KIF1B: variants seen among roughly 807,000 people sequenced by gnomAD.
The protein encoded by KIF1B is kinesin family member 1B.
In KIF1B, 76 loss-of-function variants were observed where a neutral mutation model predicts 241.9. That is an observed-to-expected ratio of 0.31 (90% CI 0.26 to 0.38). KIF1B has a LOEUF of 0.38. Ranked by LOEUF, KIF1B falls within the 10% of genes least tolerant of loss-of-function variation. KIF1B has a pLI of 1.00. For synonymous variants in KIF1B, 750 were observed against 796.7 expected (o/e 0.94, Z 0.99); for missense variants, 1,622 against 2,271.4 (o/e 0.71, Z 5.81).
intron 1 of KIF1B, among the ~76,000 whole-genome samples, chr1:10,231,378 CTTTTTTTTTTT>C (rs35213507): frequency 1.2e-5 from 1 of 85,716 alleles, no homozygotes; most frequent in Non-Finnish European, 2.1e-5. Flanking sequence ...GTTCAGTGCC[CTTTTTTTTTTT>C]TTTTTTTTTT....
intron 7 of KIF1B, among the ~76,000 whole-genome samples, chr1:10,268,625 C>CTTTTTTTT (rs5772405): frequency 7.7e-6 from 1 of 130,056 alleles, no homozygotes; most frequent in African/African-American, 2.8e-5. Context: ...TATGTGTATT[C>CTTTTTTTT]TTTTTTTTTT....
chr1:10,330,745 T>C (rs1249436723), intron 27 of KIF1B, among the ~76,000 whole-genome samples: 1 of 152,196 alleles, frequency 6.6e-6, no homozygotes, highest in East Asian at 1.9e-4. Flanking sequence ...ATTTATAGAG[T>C]GGCCCAGCCC....
intron 45 of KIF1B, among the ~76,000 whole-genome samples, chr1:10,372,465 G>C (rs1018921132): frequency 2.0e-5 from 3 of 151,702 alleles, no homozygotes; most frequent in African/African-American, 7.3e-5. Context: ...GAGCCCGGGA[G>C]GTTGAGGCTG....
At chr1:10,253,249 G>A (rs1647569057) in intron 2 of KIF1B, among the ~76,000 whole-genome samples, 1 of 152,136 alleles carries the variant, frequency 6.6e-6, no homozygotes, top group Non-Finnish European at 1.5e-5. Flanking sequence ...GCTAGCTCTG[G>A]AGCCATGAAT....
chr1:10,293,436 G>A (rs1015679964), intron 17 of KIF1B, among the ~76,000 whole-genome samples: 2 of 137,270 alleles, frequency 1.5e-5, no homozygotes, highest in Admixed American at 7.9e-5. Flanking sequence ...TCACTCTGTC[G>A]CCAGGCTGGA....
intron 19 of KIF1B, 24 bp from the exon 20 acceptor site, chr1:10,296,558 T>G: frequency 1.3e-6 from 2 of 1,565,376 alleles, no homozygotes; most frequent in Non-Finnish European, 1.8e-6. Context: ...AATGATAACA[T>G]TAGTTTGTGT....
chr1:10,270,143 G>T (rs1007077532), intron 7 of KIF1B, among the ~76,000 whole-genome samples: 1 of 152,068 alleles, frequency 6.6e-6, no homozygotes, highest in East Asian at 1.9e-4. Context: ...CAGTTTTGAC[G>T]TATTTGTATA....
chr1:10,360,546 G>C (rs868791323), intron 38 of KIF1B, among the ~76,000 whole-genome samples: 2 of 151,910 alleles, frequency 1.3e-5, no homozygotes, highest in Admixed American at 6.6e-5. Flanking sequence ...TTAGCCAGGC[G>C]TGGTGGCGGG....
intron 1 of KIF1B, among the ~76,000 whole-genome samples, chr1:10,218,386 C>A (rs746766880): frequency 6.6e-6 from 1 of 151,856 alleles, no homozygotes; most frequent in African/African-American, 2.4e-5. Flanking sequence ...TGGCTACTCA[C>A]ATGGCTATTA....
Position 10,368,468 on chromosome 1 carries a change from G to A in KIF1B, c.4754G>A (p.Cys1585Tyr). The A allele has an allele frequency of 6.2e-7, 1 of 1,613,314 alleles. No individual in the cohort carries two copies. Among genetic ancestry groups the A allele is most frequent in the South Asian group, 1.1e-5 (1 of 91,058 alleles). Residue 1585 changes from cysteine to tyrosine, a missense_variant and splice_region_variant, in exon 44 of 49, where the codon TGC becomes TAC. Transcript: ENST00000676179. ...VDREKELATK[C>Y]LQLLTHTFNR... Reference sequence around the variant, plus strand: ...TGCACTTCTCTTTCTCTTCTTTAGTGCCTGCAACTTCTCACCCACACTTTC... The same window carrying A: ...TGCACTTCTCTTTCTCTTCTTTAGTACCTGCAACTTCTCACCCACACTTTC...
intron 28 of KIF1B, among the ~76,000 whole-genome samples, chr1:10,336,442 C>G (rs530310076): frequency 1.5e-4 from 23 of 152,328 alleles, no homozygotes; most frequent in Admixed American, 1.5e-3. Context: ...CCACCGCACC[C>G]GGCCTGAAAC....
intron 2 of KIF1B, among the ~76,000 whole-genome samples, chr1:10,235,388 G>T (rs187103991): frequency 6.6e-6 from 1 of 151,574 alleles, no homozygotes; most frequent in African/African-American, 2.4e-5. Context: ...TAGTAGTTGG[G>T]ACCACAGGTG....
At chr1:10,336,592 GC>G in intron 28 of KIF1B, 64 bp from the exon 29 acceptor site, 2 of 1,279,942 alleles carry the variant, frequency 1.6e-6, no homozygotes, top group South Asian at 2.4e-5. Context: ...TCCAGCAAGA[GC>G]TTTTTCCCTC....
intron 27 of KIF1B, among the ~76,000 whole-genome samples, chr1:10,329,584 T>C (rs1250636381): frequency 1.3e-5 from 2 of 152,102 alleles, no homozygotes; most frequent in Non-Finnish European, 2.9e-5. Flanking sequence ...AATACAAATA[T>C]TAGCCAGGCA....
At chr1:10,269,470 G>T (rs1317311356) in intron 7 of KIF1B, among the ~76,000 whole-genome samples, 2 of 148,772 alleles carry the variant, frequency 1.3e-5, no homozygotes, top group Non-Finnish European at 3.0e-5. Context: ...AGCCAAGATC[G>T]TGCCATTGCA....
At chr1:10,257,105 TG>T (rs781240668) in intron 3 of KIF1B, among the ~76,000 whole-genome samples, 14 of 151,422 alleles carry the variant, frequency 9.2e-5, no homozygotes, top group Non-Finnish European at 1.5e-4. Context: ...ACAGAGAAAT[TG>T]TTTTTTTTTT....
intron 34 of KIF1B, 112 bp downstream of exon 34, chr1:10,343,399 A>G (rs1652472812): frequency 1.0e-6 from 1 of 965,138 alleles, no homozygotes; most frequent in African/African-American, 1.6e-5. Context: ...CTATATATCC[A>G]CATGTATTCC....
chr1:10,226,841 G>T (rs556609974), intron 1 of KIF1B, among the ~76,000 whole-genome samples: 2 of 151,854 alleles, frequency 1.3e-5, no homozygotes, highest in South Asian at 2.1e-4. Flanking sequence ...GGTGGCGTGT[G>T]CCTGTAATCC....
At chr1:10,294,285 C>T (rs935959152) in intron 17 of KIF1B, among the ~76,000 whole-genome samples, 3 of 151,858 alleles carry the variant, frequency 2.0e-5, no homozygotes, top group Admixed American at 1.3e-4. Flanking sequence ...TTTATCTTAT[C>T]GAATATCAGT....
Sources: gnomAD v4.1 joint callset for allele counts (sites outside exome capture counted in the v4.1 genomes callset) on GRCh38, gnomAD v4.1.1 for gene constraint, MANE v1.5 for transcripts, NCBI Gene and HGNC (gene_info 2026-07-23, HGNC 2026-07-21) for gene names.